MYO18B: variants seen among roughly 807,000 people sequenced by gnomAD.
MYO18B encodes myosin XVIIIB.
Under a neutral mutation model 273.0 loss-of-function variants are expected in MYO18B, and 204 were observed. The ratio of observed to expected loss-of-function variants is 0.75; its 90% CI spans 0.67 to 0.84. The LOEUF is 0.84. MYO18B is among the 40% of genes least tolerant of loss of function. The pLI, the probability that MYO18B is intolerant of heterozygous loss-of-function variation, is 0.00. For missense variants in MYO18B, 3,212 were observed against 3,287.6 expected, an observed-to-expected ratio of 0.98 and a Z score of 0.56; for synonymous variants, 1,330 against 1,305.7, an observed-to-expected ratio of 1.02 and a Z score of -0.40.
chr22:25,966,072 A>G (rs1189925683), intron 39 of MYO18B, among the ~76,000 whole-genome samples: 1 of 152,182 alleles, frequency 6.6e-6, no homozygotes, highest in Non-Finnish European at 1.5e-5. Context: ...TCTCCTGGAA[A>G]AGACTAAAAC....
chr22:25,952,569 T>C, intron 38 of MYO18B, 146 bp downstream of exon 38: 1 of 1,094,982 alleles, frequency 9.1e-7, no homozygotes, highest in Admixed American at 2.3e-5. Context: ...CCAAGCTCCC[T>C]CCCTCCTTCC....
chr22:25,932,104 G>GA (rs1393010612), intron 34 of MYO18B, among the ~76,000 whole-genome samples: 16 of 152,084 alleles, frequency 1.1e-4, no homozygotes, highest in African/African-American at 3.1e-4. Context: ...GAGATGGATG[G>GA]AACTGAGATT....
Position 25,748,949 on chromosome 22 carries a change from A to C in MYO18B, c.-110+6656A>C, listed in dbSNP as rs8140623. The stretch of plus-strand genomic sequence containing the variant: ...AGTAGGCTGGACTTTGTATGGAATC[A>C]TGAGTCTCTTTTGTCCATTTAGCCT... On this transcript the variant is annotated intron_variant, in intron 1 of 43. Coordinates refer to ENST00000335473, the MANE Select transcript of MYO18B (RefSeq NM_032608.7). 3.7e-3 allele frequency among the ~76,000 whole-genome samples: 562 copies of C among 152,324 alleles called. 5 individuals are homozygous for C. The highest frequency in any genetic ancestry group is 0.013 in the African/African-American group (541 of 41,572).
chr22:25,794,442 T>TC (rs2087817900), intron 11 of MYO18B, among the ~76,000 whole-genome samples: 1 of 152,116 alleles, frequency 6.6e-6, no homozygotes, highest in South Asian at 2.1e-4. Context: ...CACCTCAGCC[T>TC]CCCAAAGTGC....
intron 1 of MYO18B, among the ~76,000 whole-genome samples, chr22:25,747,274 T>G (rs1442968139): frequency 6.6e-6 from 1 of 152,244 alleles, no homozygotes. Flanking sequence ...TGGCAAATAC[T>G]TGGCACAGGT....
At chr22:25,917,663 A>T (rs2092283174) in intron 33 of MYO18B, among the ~76,000 whole-genome samples, 1 of 151,566 alleles carries the variant, frequency 6.6e-6, no homozygotes, top group Admixed American at 6.6e-5. Context: ...ATAAAAATTT[A>T]ATTTATTTAC....
intron 20 of MYO18B, among the ~76,000 whole-genome samples, chr22:25,849,393 C>T (rs2146034701): frequency 6.6e-6 from 1 of 152,218 alleles, no homozygotes; most frequent in South Asian, 2.1e-4. Context: ...TCATGTTTGT[C>T]TCTTTCACAC....
At position 25,898,675 on chromosome 22, in the gene MYO18B, T is replaced by C. The variant is rs73879595; in HGVS notation, c.4823+214T>C. 9.7e-4 allele frequency: 520 copies of C among 534,288 alleles called. 1 individual carries two copies. The highest frequency in any genetic ancestry group is 8.2e-3 in the African/African-American group (430 of 52,734). The allele number at this position is 534,288 out of a possible 1,614,324, so 33.1% of individuals were successfully genotyped here. On this transcript the variant is annotated intron_variant, in intron 29 of 43. Transcript: ENST00000335473. ...TTTCTCTTAGCCAGCCTCAACTATG[T>C]GGCCAATTGATCTTGTGACCTTGGG...
intron 34 of MYO18B, among the ~76,000 whole-genome samples, chr22:25,928,102 T>C (rs538641520): frequency 6.6e-6 from 1 of 151,944 alleles, no homozygotes; most frequent in Admixed American, 6.5e-5. Context: ...TGCTGGAGTA[T>C]AAGGTATCCA....
rs1437144219 is a variant in MYO18B at position 26,030,936 on chromosome 22, C to A, written c.*506C>A. The A allele has an allele frequency of 1.0e-5, 4 of 398,380 alleles. No homozygotes were observed. The highest frequency in any genetic ancestry group is 6.2e-4 in the Middle Eastern group (1 of 1,610). The allele number at this position is 398,380 out of a possible 1,614,324, so 24.7% of individuals were successfully genotyped here. A position where few individuals can be genotyped will look rare whatever the true frequency, so the allele number is the denominator to read the frequency against. ...TGTCGATTATATTCCTTTGCCAATT[C>A]ATTTCTCTATCCTGTGTATGTATAA... On this transcript the variant is annotated 3_prime_UTR_variant, in exon 44 of 44. Transcript: ENST00000335473.
At position 25,786,300 on chromosome 22, in the gene MYO18B, A is replaced by C. The variant is rs76381081; in HGVS notation, c.2376+809A>C. Reference sequence around the variant, plus strand: ...TTGCATGAAATGCTGCGGGCACCACAAGATAGCTGATAGAGCTACTTGGAC... The same window carrying C: ...TTGCATGAAATGCTGCGGGCACCACCAGATAGCTGATAGAGCTACTTGGAC... On this transcript the variant is annotated intron_variant, in intron 11 of 43. Coordinates refer to ENST00000335473, the MANE Select transcript of MYO18B (RefSeq NM_032608.7). Among the ~76,000 whole-genome samples the C allele has an allele frequency of 2.8e-3, 432 of 152,304 alleles. 1 individual carries two copies. The highest frequency in any genetic ancestry group is 9.6e-3 in the African/African-American group (399 of 41,556).
chr22:25,956,812 G>A (rs970066857), intron 39 of MYO18B, among the ~76,000 whole-genome samples: 3 of 152,196 alleles, frequency 2.0e-5, no homozygotes, highest in East Asian at 1.9e-4. Context: ...TGCATTATCC[G>A]CTCTGGTGCT....
intron 12 of MYO18B, among the ~76,000 whole-genome samples, chr22:25,823,200 A>G (rs1426342838): frequency 6.6e-6 from 1 of 152,174 alleles, no homozygotes; most frequent in African/African-American, 2.4e-5. Context: ...GGGTGAATCA[A>G]TCATAATTTT....
chr22:25,831,481 C>G (rs1451826144), intron 15 of MYO18B, among the ~76,000 whole-genome samples: 2 of 152,192 alleles, frequency 1.3e-5, no homozygotes, highest in African/African-American at 4.8e-5. Flanking sequence ...CTCCCGGGTT[C>G]AAGCGATTCT....
rs559774228 is a variant in MYO18B at position 25,762,574 on chromosome 22, TG to T, written c.40-651del. On this transcript the variant is annotated intron_variant, in intron 2 of 43. Coordinates refer to ENST00000335473, the MANE Select transcript of MYO18B (RefSeq NM_032608.7). ...CCAGTGCTGGCCTAGGCCGTATTTC[TG>T]GGGGGTAAAATATCAGGGTCCAACC... is the stretch of plus-strand genomic sequence containing the variant. Among the ~76,000 whole-genome samples the T allele has an allele frequency of 3.9e-5, 6 of 152,374 alleles. No individual in the cohort carries two copies. In the East Asian group the frequency reaches 1.2e-3, roughly 29 times the overall value.
chr22:25,947,147 G>A (rs950942781), intron 35 of MYO18B, among the ~76,000 whole-genome samples: 6 of 150,674 alleles, frequency 4.0e-5, no homozygotes, highest in East Asian at 2.0e-4. Context: ...ATGCGCACAC[G>A]TGTATACACA....
chr22:25,907,220 G>C (rs1314598294), intron 31 of MYO18B, among the ~76,000 whole-genome samples: 2 of 152,248 alleles, frequency 1.3e-5, no homozygotes, highest in African/African-American at 4.8e-5. Flanking sequence ...AAATCATGCA[G>C]ATCAGGAAAG....
intron 3 of MYO18B, among the ~76,000 whole-genome samples, chr22:25,763,916 A>G (rs1373245271): frequency 6.6e-6 from 1 of 152,218 alleles, no homozygotes; most frequent in African/African-American, 2.4e-5. Flanking sequence ...GCAGAAAGCT[A>G]TTGAGTTGGT....
chr22:25,790,336 T>G (rs932017169), intron 11 of MYO18B, among the ~76,000 whole-genome samples: 4 of 152,234 alleles, frequency 2.6e-5, no homozygotes, highest in African/African-American at 9.6e-5. Context: ...TTACATACAT[T>G]TACATGGTTT....
Sources: gnomAD v4.1 joint callset for allele counts (sites outside exome capture counted in the v4.1 genomes callset) on GRCh38, gnomAD v4.1.1 for gene constraint, MANE v1.5 for transcripts, NCBI Gene and HGNC (gene_info 2026-07-23, HGNC 2026-07-21) for gene names.